SAMTOR: variants seen among roughly 807,000 people sequenced by gnomAD.
SAMTOR encodes the protein S-adenosylmethionine sensor upstream of mTORC1.
At chr7:112,824,351 T>G in the SAMTOR span, among the ~76,000 whole-genome samples, 1 of 152,002 alleles carries the variant, frequency 6.6e-6, no homozygotes, top group Non-Finnish European at 1.5e-5. Context: ...TTTGAGTTTT[T>G]TTTGTTTGTT....
At chr7:112,861,670 A>G in the SAMTOR span, among the ~76,000 whole-genome samples, 1 of 152,190 alleles carries the variant, frequency 6.6e-6, no homozygotes, top group African/African-American at 2.4e-5. Flanking sequence ...CTAATCTGCT[A>G]TGCTTGAAAA....
chr7:112,855,512 A>T, the SAMTOR span, among the ~76,000 whole-genome samples: 1 of 152,224 alleles, frequency 6.6e-6, no homozygotes, highest in East Asian at 1.9e-4. Context: ...TTTTGGCAGA[A>T]TCTAGTTTAG....
the SAMTOR span, among the ~76,000 whole-genome samples, chr7:112,825,752 T>G: frequency 6.6e-6 from 1 of 152,190 alleles, no homozygotes; most frequent in Non-Finnish European, 1.5e-5. Context: ...CTTATCTTGT[T>G]TTTGTGAGAA....
chr7:112,856,807 C>T, the SAMTOR span, among the ~76,000 whole-genome samples: 15 of 151,944 alleles, frequency 9.9e-5, no homozygotes, highest in Middle Eastern at 3.4e-3. Context: ...TCTTTTTGAA[C>T]TAAAAGAAAT....
chr7:112,918,321 C>A, the SAMTOR span, among the ~76,000 whole-genome samples: 16 of 152,124 alleles, frequency 1.1e-4, no homozygotes, highest in African/African-American at 3.1e-4. Context: ...GAATTTTCAA[C>A]CCAGAATTTC....
chr7:112,936,044 T>C, the SAMTOR span, among the ~76,000 whole-genome samples: 4 of 152,236 alleles, frequency 2.6e-5, no homozygotes, highest in Non-Finnish European at 5.9e-5. Context: ...CTATAACTCT[T>C]ATACATTTAA....
At chr7:112,855,038 GTTC>G in the SAMTOR span, among the ~76,000 whole-genome samples, 3 of 152,156 alleles carry the variant, frequency 2.0e-5, no homozygotes, top group African/African-American at 7.2e-5. Context: ...GCAATGCAAA[GTTC>G]TTATCAGTAG....
chr7:112,919,208 C>A, the SAMTOR span, among the ~76,000 whole-genome samples: 1 of 152,130 alleles, frequency 6.6e-6, no homozygotes, highest in African/African-American at 2.4e-5. Flanking sequence ...GTAAAGCTCT[C>A]CTCAGCAAAT....
At chr7:112,936,826 T>C in the SAMTOR span, among the ~76,000 whole-genome samples, 2 of 152,172 alleles carry the variant, frequency 1.3e-5, no homozygotes, top group East Asian at 1.9e-4. Flanking sequence ...ACCTATCCTA[T>C]GGATCATCCA....
At chr7:112,902,453 A>AAAAAAAAAAAAC in the SAMTOR span, among the ~76,000 whole-genome samples, 1 of 146,912 alleles carries the variant, frequency 6.8e-6, no homozygotes, top group Non-Finnish European at 1.5e-5. Flanking sequence ...AAAAAACAAA[A>AAAAAAAAAAAAC]AAAAAAACCA....
chr7:112,839,548 G>C, the SAMTOR span, among the ~76,000 whole-genome samples: 1 of 151,736 alleles, frequency 6.6e-6, no homozygotes, highest in South Asian at 2.1e-4. Flanking sequence ...CTGAAAATCT[G>C]AGTGATGCCC....
the SAMTOR span, among the ~76,000 whole-genome samples, chr7:112,914,328 G>C: frequency 5.2e-5 from 7 of 134,420 alleles, no homozygotes; most frequent in Non-Finnish European, 1.1e-4. Flanking sequence ...TTGTTATATA[G>C]GTAAATTGCA....
chr7:112,899,537 C>T, the SAMTOR span, among the ~76,000 whole-genome samples: 1 of 151,952 alleles, frequency 6.6e-6, no homozygotes, highest in Admixed American at 6.6e-5. Context: ...AACAGTTTTC[C>T]AAACCTAGAG....
chr7:112,880,957 C>T, the SAMTOR span, among the ~76,000 whole-genome samples: 1 of 152,104 alleles, frequency 6.6e-6, no homozygotes, highest in Non-Finnish European at 1.5e-5. Flanking sequence ...GGTGGAAGAC[C>T]CTTCCTCTCC....
chr7:112,890,939 C>T, the SAMTOR span, among the ~76,000 whole-genome samples: 1 of 152,124 alleles, frequency 6.6e-6, no homozygotes, highest in African/African-American at 2.4e-5. Flanking sequence ...ATCCACCTGT[C>T]TTGGCCTCTC....
the SAMTOR span, chr7:112,939,546 G>T: frequency 6.2e-7 from 1 of 1,613,108 alleles, no homozygotes; most frequent in South Asian, 1.1e-5. Context: ...AGCGGTTGGG[G>T]GTGATGAGGC....
the SAMTOR span, among the ~76,000 whole-genome samples, chr7:112,855,860 C>T: frequency 4.0e-5 from 6 of 151,688 alleles, no homozygotes; most frequent in South Asian, 2.1e-4. Context: ...ATTTTGGAAG[C>T]GGGGGCATCT....
chr7:112,892,771 C>CA, the SAMTOR span, among the ~76,000 whole-genome samples: 762 of 136,252 alleles, frequency 5.6e-3, 4 homozygotes, highest in Middle Eastern at 0.015. Flanking sequence ...GACCCATCTC[C>CA]AAAAAAAAAA....
chr7:112,853,070 G>C, the SAMTOR span, among the ~76,000 whole-genome samples: 1 of 152,108 alleles, frequency 6.6e-6, no homozygotes, highest in South Asian at 2.1e-4. Flanking sequence ...AACAAAGCTT[G>C]GCTAAAAAGT....
Sources: gnomAD v4.1 joint callset for allele counts (sites outside exome capture counted in the v4.1 genomes callset) on GRCh38, gnomAD v4.1.1 for gene constraint, MANE v1.5 for transcripts, NCBI Gene and HGNC (gene_info 2026-07-23, HGNC 2026-07-21) for gene names.